The following ACKR3 variants were observed in gnomAD, a reference collection of about 807,000 sequenced individuals.
ACKR3 encodes atypical chemokine receptor 3, also known as C-X-C chemokine receptor type 7.
Under a neutral mutation model 22.4 loss-of-function variants are expected in ACKR3, and 6 were observed. That is an observed-to-expected ratio of 0.27 (90% CI 0.15 to 0.53). The LOEUF (loss-of-function observed/expected upper bound fraction) is 0.53, where lower values mean the gene tolerates loss of function less well. Ranked by LOEUF, ACKR3 falls within the 20% of genes least tolerant of loss-of-function variation. ACKR3 has a pLI of 0.96. For missense variants in ACKR3, 396 were observed against 475.2 expected (o/e 0.83, Z 1.55); for synonymous variants, 209 against 205.2 (o/e 1.02, Z -0.16).
chr2:236,553,585 C>T, the ACKR3 span, among the ~76,000 whole-genome samples: 1 of 152,248 alleles, frequency 6.6e-6, no homozygotes, highest in Non-Finnish European at 1.5e-5. Context: ...GATGCAGAAG[C>T]ACCTGCGTAA....
chr2:236,566,134 T>C (rs1691176407), upstream of ACKR3, among the ~76,000 whole-genome samples: 1 of 152,194 alleles, frequency 6.6e-6, no homozygotes, highest in South Asian at 2.1e-4. Context: ...GTGCGGTTTC[T>C]GGAAGAAGCC....
the ACKR3 span, among the ~76,000 whole-genome samples, chr2:236,556,167 C>T: frequency 6.6e-6 from 1 of 152,068 alleles, no homozygotes. Flanking sequence ...GTATCAGGTC[C>T]CAGACAGGGT....
In ACKR3 at chr2:236,581,578, C is replaced by T. The variant is rs767660579; in HGVS notation, c.*24C>T. 4.4e-5 allele frequency: 71 copies of T among 1,597,772 alleles called. No homozygotes were observed. The highest frequency in any genetic ancestry group is 8.5e-5 in the Admixed American group (5 of 58,846). On this transcript the variant is annotated 3_prime_UTR_variant, in exon 2 of 2. Coordinates refer to ENST00000272928, the MANE Select transcript of ACKR3 (RefSeq NM_020311.3). The surrounding 1 kb of genome is among the most constrained non-coding windows in gnomAD (Gnocchi z 4.4). ...GATCTGCCCTGGAGAGGCTCTGGGA[C>T]GGGTTTACTTGTTTTTGAACAGGGT...
At chr2:236,575,640 G>A (rs1400890182) in intron 1 of ACKR3, among the ~76,000 whole-genome samples, 1 of 132,180 alleles carries the variant, frequency 7.6e-6, no homozygotes, top group Non-Finnish European at 1.6e-5. Flanking sequence ...TGTGCTGTGT[G>A]TGCGTGTCTG....
intron 1 of ACKR3, among the ~76,000 whole-genome samples, chr2:236,578,021 G>A (rs376872602): frequency 1.3e-5 from 2 of 152,356 alleles, no homozygotes; most frequent in South Asian, 4.1e-4. Flanking sequence ...ATGCAAATGT[G>A]TTTCGTTTTA....
At chr2:236,580,021 G>T (rs564527957) in intron 1 of ACKR3, among the ~76,000 whole-genome samples, 2 of 152,300 alleles carry the variant, frequency 1.3e-5, no homozygotes, top group South Asian at 4.2e-4. Context: ...CATTCTTTGG[G>T]GACCTAGATA....
chr2:236,579,783 G>A (rs1015797315), intron 1 of ACKR3, among the ~76,000 whole-genome samples: 4 of 152,172 alleles, frequency 2.6e-5, no homozygotes, highest in Admixed American at 6.5e-5. Flanking sequence ...GGTTTGGGGC[G>A]CAGTTAAGCT....
rs1037856390 is a variant in ACKR3 at position 236,577,629 on chromosome 2, C to A, written c.-26-2811C>A. ...CTGTCCATGCTGAGCAGTGGCCAGG[C>A]GCCTGGCCAGCCGGCATCTGACATG... On this transcript the variant is annotated intron_variant, in intron 1 of 1. Transcript: ENST00000272928. The surrounding 1 kb of genome is among the most constrained non-coding windows in gnomAD (Gnocchi z 5.6). 3.3e-5 allele frequency among the ~76,000 whole-genome samples: 5 copies of A among 151,844 alleles called. No homozygotes were observed. Among genetic ancestry groups the A allele is most frequent in the African/African-American group, 4.8e-5 (2 of 41,314 alleles).
At position 236,574,353 on chromosome 2, in the gene ACKR3, A is replaced by G. The variant is rs1559471941; in HGVS notation, c.-27+4429A>G. On this transcript the variant is annotated intron_variant, in intron 1 of 1. Transcript: ENST00000272928. This position sits in a 1 kb window ranked among gnomAD's most constrained non-coding sequence, Gnocchi z 5.6. The stretch of plus-strand genomic sequence containing the variant: ...TAGCTGTATAGCTGTAGCTACACAA[A>G]GTTACAGAAGACTTGGTGGGGGGTG... 2.6e-5 allele frequency among the ~76,000 whole-genome samples: 4 copies of G among 152,132 alleles called. No homozygotes were observed.
the ACKR3 span, among the ~76,000 whole-genome samples, chr2:236,548,539 T>G: frequency 6.6e-6 from 1 of 152,114 alleles, no homozygotes; most frequent in African/African-American, 2.4e-5. This position sits in a 1 kb window ranked among gnomAD's most constrained non-coding sequence, Gnocchi z 4.3. Flanking sequence ...CCAGGGAGGG[T>G]GTGGCATCTT....
chr2:236,576,738 C>G (rs62189798), intron 1 of ACKR3, among the ~76,000 whole-genome samples: 1 of 152,138 alleles, frequency 6.6e-6, no homozygotes, highest in Non-Finnish European at 1.5e-5. Context: ...CCATGTTACA[C>G]GGCAGTTCCC....
the ACKR3 span, among the ~76,000 whole-genome samples, chr2:236,561,068 C>A: frequency 2.0e-5 from 3 of 152,144 alleles, no homozygotes; most frequent in African/African-American, 7.2e-5. Flanking sequence ...GACAAATACT[C>A]CATGATTCCA....
At position 236,580,667 on chromosome 2, in the gene ACKR3, G is replaced by A. The variant is rs765502728; in HGVS notation, c.202G>A (p.Val68Met). ...GMIANSVVVWVNIQAKTTGYD... is the reference protein window; with the variant it reads ...GMIANSVVVWMNIQAKTTGYD... ...GATTGCCAACTCCGTGGTGGTCTGG[G>A]TGAATATCCAGGCCAAGACCACAGG... The change falls in exon 2 of 2, where the codon GTG becomes ATG. Residue 68 changes from valine (V) to methionine (M), a missense_variant. Physicochemically the swap from Val to Met is conservative, Grantham distance 21. Coordinates refer to ENST00000272928, the MANE Select transcript of ACKR3 (RefSeq NM_020311.3). 4 of 1,613,970 alleles carry A rather than the reference G, an allele frequency of 2.5e-6. No individual in the cohort carries two copies. Among genetic ancestry groups the A allele is most frequent in the African/African-American group, 1.3e-5 (1 of 74,888 alleles).
the ACKR3 span, among the ~76,000 whole-genome samples, chr2:236,540,192 G>A: frequency 6.6e-6 from 1 of 152,266 alleles, no homozygotes; most frequent in South Asian, 2.1e-4. Flanking sequence ...GCCAACACTC[G>A]ACGTTGTCTG....
chr2:236,579,700 T>C (rs1366003400), intron 1 of ACKR3, among the ~76,000 whole-genome samples: 1 of 152,134 alleles, frequency 6.6e-6, no homozygotes, highest in Non-Finnish European at 1.5e-5. Context: ...GAAAAACAGG[T>C]GCTGACCCAA....
chr2:236,542,594 G>A, the ACKR3 span, among the ~76,000 whole-genome samples: 4 of 152,248 alleles, frequency 2.6e-5, no homozygotes, highest in East Asian at 7.7e-4. Flanking sequence ...TCCAGGAGAC[G>A]GCGTGGCCAG....
intron 1 of ACKR3, among the ~76,000 whole-genome samples, chr2:236,575,313 G>A (rs946186424): frequency 4.6e-5 from 7 of 151,962 alleles, no homozygotes; most frequent in Admixed American, 6.6e-5. Flanking sequence ...CTATGCCTTC[G>A]TGCACATGTA....
intron 1 of ACKR3, among the ~76,000 whole-genome samples, chr2:236,576,255 G>A (rs1691410007): frequency 1.3e-5 from 2 of 152,216 alleles, no homozygotes; most frequent in African/African-American, 4.8e-5. Flanking sequence ...ACTTCCCAGC[G>A]TAAACAGACC....
chr2:236,538,532 C>T, the ACKR3 span, among the ~76,000 whole-genome samples: 1 of 152,042 alleles, frequency 6.6e-6, no homozygotes, highest in Non-Finnish European at 1.5e-5. Flanking sequence ...AATGGCAAAA[C>T]TGGCCCCAAG....
Sources: gnomAD v4.1 joint callset for allele counts (sites outside exome capture counted in the v4.1 genomes callset) on GRCh38, gnomAD v4.1.1 for gene constraint, Gnocchi (gnomAD v3.1) non-coding constraint, MANE v1.5 for transcripts, NCBI Gene and HGNC (gene_info 2026-07-23, HGNC 2026-07-21) for gene names.